Variants in C10orf90 observed in about 807,000 individuals in gnomAD.
C10orf90 encodes the protein (E2-independent) E3 ubiquitin-conjugating enzyme FATS.
In C10orf90, 56 loss-of-function variants were observed where a neutral mutation model predicts 62.5. The observed-to-expected ratio is 0.90, with a 90% CI of 0.72 to 1.12. The LOEUF (loss-of-function observed/expected upper bound fraction) is 1.12, where lower values mean the gene tolerates loss of function less well. Ranked by LOEUF, C10orf90 falls within the 50% of genes most tolerant of loss-of-function variation. The probability of loss-of-function intolerance (pLI) is 0.00; values close to 1 mark genes in which losing one functional copy is unlikely to be tolerated. For missense variants in C10orf90, 970 were observed against 880.4 expected, an observed-to-expected ratio of 1.10 and a Z score of -1.29; for synonymous variants, 386 against 340.4, an observed-to-expected ratio of 1.13 and a Z score of -1.47.
At position 126,461,413 on chromosome 10, in the gene C10orf90, A is replaced by C; in HGVS notation, c.1998T>G (p.Ser666=). ...CSESQQTPAR[S]LTLQEALEVR... is the part of the protein sequence containing the mutation. The stretch of plus-strand genomic sequence containing the variant: ...CAGAAGGCCTTACTTGCAAGGTCAA[A>C]GATCTTGCAGGCGTTTGCTGAGACT... Residue 666 remains serine (S), a synonymous_variant, in exon 6 of 10, where the codon TCT becomes TCG. Coordinates refer to ENST00000488181, the MANE Select transcript of C10orf90 (RefSeq NM_001350921.2). The C allele has an allele frequency of 1.2e-6, 2 of 1,614,074 alleles. No homozygotes were observed. Among genetic ancestry groups the C allele is most frequent in the Non-Finnish European group, 1.7e-6 (2 of 1,179,958 alleles).
At chr10:126,564,806 A>G (rs1183212128) in intron 2 of C10orf90, among the ~76,000 whole-genome samples, 1 of 90,676 alleles carries the variant, frequency 1.1e-5, no homozygotes, top group African/African-American at 4.4e-5. Context: ...ACTCAATTAC[A>G]AGTTTAGGAA....
Position 126,555,511 on chromosome 10 carries a change from CAAAA to C in C10orf90, c.314-41576_314-41573del, listed in dbSNP as rs10541392. Among the ~76,000 whole-genome samples, 1,388 of 148,280 alleles carry C rather than the reference CAAAA, an allele frequency of 9.4e-3. 25 individuals carry two copies. The highest frequency in any genetic ancestry group is 0.033 in the African/African-American group (1,313 of 40,374). ...CAACATGGTGAAACCCTGTGTCTAC[CAAAA>C]AAAAAAACAAAAAATTAGCTGGACA... is the stretch of plus-strand genomic sequence containing the variant. On this transcript the variant is annotated intron_variant, in intron 2 of 9. Coordinates refer to ENST00000488181, the MANE Select transcript of C10orf90 (RefSeq NM_001350921.2).
intron 2 of C10orf90, among the ~76,000 whole-genome samples, chr10:126,545,856 T>A (rs1004899516): frequency 3.3e-5 from 5 of 152,196 alleles, no homozygotes; most frequent in African/African-American, 1.2e-4. Context: ...ACTTATTTCT[T>A]ATTTCTTCAA....
intron 2 of C10orf90, among the ~76,000 whole-genome samples, chr10:126,522,256 G>A (rs4962571): frequency 0.89 from 134,831 of 152,032 alleles, 59,972 homozygotes; most frequent in African/African-American, 0.96. Context: ...CAACAAGAGT[G>A]AAACTCCATT....
In C10orf90 at chr10:126,520,040, C is replaced by T. The variant is rs183865067; in HGVS notation, c.314-6101G>A. 8.1e-4 allele frequency: 124 copies of T among 152,448 alleles called. 1 individual carries two copies. The highest frequency in any genetic ancestry group is 2.9e-3 in the African/African-American group (120 of 41,566). 9.4% of individuals were successfully genotyped at this position (152,448 alleles called of 1,614,324 possible). On this transcript the variant is annotated intron_variant, in intron 2 of 9. Coordinates refer to ENST00000488181, the MANE Select transcript of C10orf90 (RefSeq NM_001350921.2). The stretch of plus-strand genomic sequence containing the variant: ...CCAGTGGTTGAGCAAAAACCAAACG[C>T]CTGACTTCATCTGGGGCAACATCCT...
chr10:126,464,703 G>C lies in C10orf90; in HGVS notation c.1818C>G (p.Phe606Leu). The change falls in exon 5 of 10, where the codon TTC (phenylalanine) becomes TTG (leucine). Residue 606 changes from phenylalanine to leucine, a missense_variant. Physicochemically the swap from Phe to Leu is conservative, Grantham distance 22. Coordinates refer to ENST00000488181, the MANE Select transcript of C10orf90 (RefSeq NM_001350921.2). ...EDNGVQIESK[F>L]PKGDYTCCDL... ...ACCACCCTCGCTCCTTACCTTTGGGGAACTTGCTTTCTATCTGAACACCAT... is the reference window on the plus strand; with the variant it reads ...ACCACCCTCGCTCCTTACCTTTGGGCAACTTGCTTTCTATCTGAACACCAT... 1.9e-6 allele frequency: 3 copies of C among 1,606,492 alleles called. No homozygotes were observed. Among genetic ancestry groups the C allele is most frequent in the Non-Finnish European group, 1.7e-6 (2 of 1,174,290 alleles).
At chr10:126,494,962 A>G (rs975693552) in intron 4 of C10orf90, among the ~76,000 whole-genome samples, 1 of 152,242 alleles carries the variant, frequency 6.6e-6, no homozygotes, top group Non-Finnish European at 1.5e-5. Flanking sequence ...AATAGCTGAG[A>G]AAATACACTG....
chr10:126,468,075 C>G (rs1352321407), intron 4 of C10orf90, among the ~76,000 whole-genome samples: 1 of 149,778 alleles, frequency 6.7e-6, no homozygotes, highest in Non-Finnish European at 1.5e-5. Context: ...AAGCACAAAG[C>G]TAGCTTTTTT....
chr10:126,477,550 G>C (rs1049644537), intron 4 of C10orf90, among the ~76,000 whole-genome samples: 8 of 152,096 alleles, frequency 5.3e-5, no homozygotes, highest in Admixed American at 2.0e-4. Flanking sequence ...CTGGTCTTTA[G>C]GTTGCATTTG....
chr10:126,563,078 A>G (rs555037697), intron 2 of C10orf90, among the ~76,000 whole-genome samples: 45 of 152,178 alleles, frequency 3.0e-4, no homozygotes, highest in South Asian at 6.2e-4. Context: ...GAGTATTTAC[A>G]CCACAGAAAG....
chr10:126,638,975 A>T (rs1249594148), intron 2 of C10orf90, among the ~76,000 whole-genome samples: 1 of 152,238 alleles, frequency 6.6e-6, no homozygotes, highest in Non-Finnish European at 1.5e-5. Flanking sequence ...AGGCCATTAA[A>T]ACAGCCTTTT....
rs1859617332 is a variant in C10orf90, at chr10:126,456,845, G to A, written c.2188+2195C>T. On this transcript the variant is annotated intron_variant, in intron 7 of 9. Transcript: ENST00000488181. The surrounding 1 kb of genome is among the most constrained non-coding windows in gnomAD (Gnocchi z 4.9). Reference sequence around the variant, plus strand: ...ATCAAGGATTGCAGGAAGCCGCCAGGAGCAGGGAGGGAGGCTGGACACGGG... The same window carrying A: ...ATCAAGGATTGCAGGAAGCCGCCAGAAGCAGGGAGGGAGGCTGGACACGGG... Among the ~76,000 whole-genome samples the A allele has an allele frequency of 6.6e-6, 1 of 152,206 alleles. No individual in the cohort carries two copies. The highest frequency in any genetic ancestry group is 1.5e-5 in the Non-Finnish European group (1 of 68,036).
intron 2 of C10orf90, among the ~76,000 whole-genome samples, chr10:126,545,750 C>G (rs1201739571): frequency 6.6e-6 from 1 of 152,122 alleles, no homozygotes; most frequent in African/African-American, 2.4e-5. Context: ...CCCCTCTTCT[C>G]TCTCAGTTAA....
chr10:126,650,020 G>A (rs1244496403), intron 1 of C10orf90, among the ~76,000 whole-genome samples: 2 of 152,020 alleles, frequency 1.3e-5, no homozygotes, highest in African/African-American at 4.8e-5. Flanking sequence ...GGAGAGGGAG[G>A]GAAAGGGCAG....
At position 126,492,552 on chromosome 10, in the gene C10orf90, TA is replaced by T. The variant is rs1360778023; in HGVS notation, c.1534+11404del. On this transcript the variant is annotated intron_variant, in intron 4 of 9. Coordinates refer to ENST00000488181, the MANE Select transcript of C10orf90 (RefSeq NM_001350921.2). The stretch of plus-strand genomic sequence containing the variant: ...AATTACCACAGACAACATTAAAAAG[TA>T]AAATACAGGTTATTTTCAGCATAAA... Among the ~76,000 whole-genome samples the T allele has an allele frequency of 5.3e-5, 8 of 152,272 alleles. 2 individuals are homozygous for T. Among genetic ancestry groups the T allele is most frequent in the Admixed American group, 5.2e-4 (8 of 15,306 alleles).
In C10orf90 at chr10:126,502,003, CCACA is replaced by C. The variant is rs959327463; in HGVS notation, c.1534+1950_1534+1953del. Among the ~76,000 whole-genome samples, 9 of 146,902 alleles carry C rather than the reference CCACA, an allele frequency of 6.1e-5. No individual in the cohort carries two copies. In the South Asian group the frequency reaches 1.5e-3, roughly 25 times the overall value. On this transcript the variant is annotated intron_variant, in intron 4 of 9. Transcript: ENST00000488181. ...CACACCACACACGCATACACACACA[CCACA>C]CACACACACCATACACACACACCAC...
chr10:126,485,789 T>A (rs143474395), intron 4 of C10orf90, among the ~76,000 whole-genome samples: 3 of 138,464 alleles, frequency 2.2e-5, no homozygotes, highest in Non-Finnish European at 4.7e-5. Context: ...AAAAAAAAAA[T>A]ACAAAAAATT....
At chr10:126,628,561 C>A (rs1467168697) in intron 2 of C10orf90, among the ~76,000 whole-genome samples, 1 of 152,174 alleles carries the variant, frequency 6.6e-6, no homozygotes, top group African/African-American at 2.4e-5. Context: ...TTGAATGGAG[C>A]CCAGGGGGAG....
At chr10:126,496,325 T>C (rs1862054588) in intron 4 of C10orf90, among the ~76,000 whole-genome samples, 1 of 152,194 alleles carries the variant, frequency 6.6e-6, no homozygotes, top group East Asian at 1.9e-4. Context: ...ATGAGCAACC[T>C]TTAGATACCA....
Sources: allele counts gnomAD v4.1 joint callset (sites outside exome capture counted in the v4.1 genomes callset), GRCh38; gene constraint gnomAD v4.1.1; non-coding constraint Gnocchi (gnomAD v3.1); transcripts MANE v1.5; gene names NCBI Gene and HGNC (gene_info 2026-07-23, HGNC 2026-07-21).